Variants in GRAMD1B observed in about 807,000 individuals in gnomAD.
The protein encoded by GRAMD1B is protein Aster-B.
In GRAMD1B, 37 loss-of-function variants were observed where a neutral mutation model predicts 99.7. The ratio of observed to expected loss-of-function variants is 0.37; its 90% confidence interval spans 0.29 to 0.49. The LOEUF (loss-of-function observed/expected upper bound fraction) is 0.49. GRAMD1B is among the 20% of genes least tolerant of loss of function. The pLI is 0.98. For synonymous variants in GRAMD1B, 427 were observed against 387.6 expected (o/e 1.10, Z -1.19); for missense variants, 888 against 1,009.2 (o/e 0.88, Z 1.63).
chr11:123,400,790 G>A (rs914295418), intron 1 of GRAMD1B, among the ~76,000 whole-genome samples: 6 of 152,130 alleles, frequency 3.9e-5, no homozygotes, highest in Non-Finnish European at 7.4e-5. Context: ...TCAGTCTACA[G>A]TATATGGTTT....
intron 2 of GRAMD1B, among the ~76,000 whole-genome samples, chr11:123,554,012 C>G (rs1302691692): frequency 6.6e-6 from 1 of 152,212 alleles, no homozygotes; most frequent in African/African-American, 2.4e-5. Flanking sequence ...TATATACCCT[C>G]TGTTTCCTTG....
chr11:123,583,009 T>C (rs953110497), intron 3 of GRAMD1B, among the ~76,000 whole-genome samples: 4 of 152,008 alleles, frequency 2.6e-5, no homozygotes, highest in Non-Finnish European at 4.4e-5. Flanking sequence ...CATGCGCAAG[T>C]GTGTGCGTGT....
In GRAMD1B at chr11:123,587,937, ACT is replaced by A. The variant is rs1277970224; in HGVS notation, c.684+3607_684+3608del. Among the ~76,000 whole-genome samples the A allele has an allele frequency of 1.3e-5, 2 of 150,958 alleles. No individual in the cohort carries two copies. Among genetic ancestry groups the A allele is most frequent in the Non-Finnish European group, 3.0e-5 (2 of 67,766 alleles). ...CTCTGTCTGTCTCCCCTCTCTATTT[ACT>A]CCCAACTTGAAGGGTCTTCCTGCCT... On this transcript the variant is annotated intron_variant, in intron 4 of 19. Coordinates refer to ENST00000635736, the MANE Select transcript of GRAMD1B (RefSeq NM_001387025.1). This position sits in a 1 kb window ranked among gnomAD's most constrained non-coding sequence, Gnocchi z 4.2.
intron 1 of GRAMD1B, among the ~76,000 whole-genome samples, chr11:123,380,721 C>G (rs1265568125): frequency 6.6e-6 from 1 of 152,182 alleles, no homozygotes; most frequent in Non-Finnish European, 1.5e-5. Flanking sequence ...CTTTGGATCT[C>G]TTGGCCTGAG....
intron 1 of GRAMD1B, among the ~76,000 whole-genome samples, chr11:123,472,875 C>G (rs1201649385): frequency 6.6e-6 from 1 of 152,190 alleles, no homozygotes. Context: ...TGCCTAGTCC[C>G]AGGTAGCCTT....
At chr11:123,504,253 TC>T (rs905720354) in intron 2 of GRAMD1B, among the ~76,000 whole-genome samples, 1 of 152,110 alleles carries the variant, frequency 6.6e-6, no homozygotes, top group Non-Finnish European at 1.5e-5. Context: ...AGGTACGAGC[TC>T]CCCTAAGCAA....
At chr11:123,479,930 G>T (rs1951496660) in intron 1 of GRAMD1B, among the ~76,000 whole-genome samples, 1 of 151,908 alleles carries the variant, frequency 6.6e-6, no homozygotes, top group Admixed American at 6.5e-5. Flanking sequence ...TAGCTCACGG[G>T]GCTGAGCAAA....
At chr11:123,476,494 CCTGTA>C (rs199703437) in intron 1 of GRAMD1B, among the ~76,000 whole-genome samples, 1,608 of 152,306 alleles carry the variant, frequency 0.011, 31 homozygotes, top group African/African-American at 0.036. Context: ...GAGGAAAGAT[CCTGTA>C]TATACCCTAT....
At chr11:123,523,537 TG>T (rs1370136928) in intron 2 of GRAMD1B, among the ~76,000 whole-genome samples, 1 of 95,814 alleles carries the variant, frequency 1.0e-5, no homozygotes, top group Non-Finnish European at 2.2e-5. Context: ...TTTTTGTTTT[TG>T]TAGTTAAAAA....
At chr11:123,583,320 A>G (rs376688949) in intron 3 of GRAMD1B, among the ~76,000 whole-genome samples, 3 of 132,298 alleles carry the variant, frequency 2.3e-5, no homozygotes, top group East Asian at 2.3e-4. Flanking sequence ...GCACGTGTGG[A>G]TGTGTGTGCA....
At chr11:123,618,538 C>T (rs1384413600) in intron 17 of GRAMD1B, 155 bp from the exon 18 acceptor site, 2 of 812,868 alleles carry the variant, frequency 2.5e-6, no homozygotes, top group African/African-American at 3.3e-5. Flanking sequence ...TTGCTTCTCT[C>T]TCTCTCTCCC....
At chr11:123,456,376 AG>A (rs1565513366) in intron 1 of GRAMD1B, among the ~76,000 whole-genome samples, 2 of 85,706 alleles carry the variant, frequency 2.3e-5, no homozygotes, top group South Asian at 3.4e-4. Flanking sequence ...AAGAGCCCCG[AG>A]AGTCAGCAAA....
At chr11:123,598,957 T>C (rs889138283) in intron 7 of GRAMD1B, 2 of 1,045,638 alleles carry the variant, frequency 1.9e-6, no homozygotes, top group African/African-American at 1.6e-5. Context: ...TGGTCTAAGA[T>C]GGACAGGTAT....
intron 1 of GRAMD1B, among the ~76,000 whole-genome samples, chr11:123,421,508 A>G (rs1189326490): frequency 6.6e-6 from 1 of 152,244 alleles, no homozygotes; most frequent in African/African-American, 2.4e-5. Flanking sequence ...TCTAAGATTT[A>G]TCTTGCCCAT....
At chr11:123,418,904 T>C (rs945088406) in intron 1 of GRAMD1B, among the ~76,000 whole-genome samples, 4 of 152,150 alleles carry the variant, frequency 2.6e-5, no homozygotes, top group Non-Finnish European at 5.9e-5. Flanking sequence ...TCTGGAGCAG[T>C]GAGCTTGGTA....
intron 2 of GRAMD1B, among the ~76,000 whole-genome samples, chr11:123,542,589 G>C (rs867136609): frequency 2.8e-4 from 42 of 152,216 alleles, no homozygotes; most frequent in Non-Finnish European, 1.2e-4. Context: ...ACCACATAGG[G>C]TGGGTTTGTG....
intron 2 of GRAMD1B, among the ~76,000 whole-genome samples, chr11:123,549,139 C>T (rs1945357041): frequency 6.6e-6 from 1 of 152,186 alleles, no homozygotes; most frequent in Admixed American, 6.5e-5. Flanking sequence ...AGCCGGGTTG[C>T]TGGTCCCATT....
chr11:123,426,761 G>A (rs953566354), upstream of GRAMD1B, among the ~76,000 whole-genome samples: 4 of 152,130 alleles, frequency 2.6e-5, no homozygotes, highest in East Asian at 1.9e-4. Context: ...GGGTGCCAGC[G>A]CCTTCCAGTT....
chr11:123,568,648 T>C (rs1173385770), intron 2 of GRAMD1B, among the ~76,000 whole-genome samples: 2 of 152,234 alleles, frequency 1.3e-5, no homozygotes, highest in Non-Finnish European at 2.9e-5. Flanking sequence ...GCCCTTTCCC[T>C]TTCTGTCCCT....
Sources: gnomAD v4.1 joint callset for allele counts (sites outside exome capture counted in the v4.1 genomes callset) on GRCh38, gnomAD v4.1.1 for gene constraint, Gnocchi (gnomAD v3.1) non-coding constraint, MANE v1.5 for transcripts, NCBI Gene and HGNC (gene_info 2026-07-23, HGNC 2026-07-21) for gene names.